The following SEPTIN7 variants were observed in gnomAD, a reference collection of about 807,000 sequenced individuals.
SEPTIN7 encodes septin-7.
In SEPTIN7, 10 loss-of-function variants were observed where a neutral mutation model predicts 63.3. That is an observed-to-expected ratio of 0.16 (90% CI 0.10 to 0.27). The LOEUF is 0.27. SEPTIN7 is among the 10% of genes least tolerant of loss of function. SEPTIN7 has a pLI of 1.00. For missense variants in SEPTIN7, 310 were observed against 521.0 expected (o/e 0.59, Z 3.94); for synonymous variants, 131 against 165.3 (o/e 0.79, Z 1.59).
In SEPTIN7 at chr7:35,883,993, A is replaced by T. The variant is rs758287902; in HGVS notation, c.820+6A>T. 9 of 1,569,984 alleles carry T rather than the reference A, an allele frequency of 5.7e-6. No homozygotes were observed. In the African/African-American group the frequency reaches 1.1e-4, roughly 19 times the overall value. ...TCCTTGGGGTGTTGCTGAAGGTAAG[A>T]TTTTCTTCAGTGAATGACTTTCTAA... On this transcript the variant is annotated splice_donor_region_variant and intron_variant, in intron 9 of 13. Transcript: ENST00000350320.
chr7:35,885,655 T>G (rs749895150), intron 9 of SEPTIN7, among the ~76,000 whole-genome samples, 173 bp from the exon 10 acceptor site: 25 of 152,206 alleles, frequency 1.6e-4, no homozygotes, highest in Non-Finnish European at 3.2e-4. Flanking sequence ...TAGAGTACAC[T>G]TCTCTGTCAT....
chr7:35,854,645 T>A (rs1481606472), intron 3 of SEPTIN7, among the ~76,000 whole-genome samples: 1 of 152,226 alleles, frequency 6.6e-6, no homozygotes, highest in East Asian at 1.9e-4. Flanking sequence ...CTCTGTAGTC[T>A]CTTACTGGAC....
intron 11 of SEPTIN7, among the ~76,000 whole-genome samples, chr7:35,895,324 A>C (rs183823421): frequency 2.6e-5 from 4 of 152,290 alleles, no homozygotes; most frequent in Non-Finnish European, 5.9e-5. Context: ...TTAATATAAA[A>C]ATTAAAAATT....
At chr7:35,816,667 C>G (rs893549025) in intron 1 of SEPTIN7, among the ~76,000 whole-genome samples, 2 of 152,174 alleles carry the variant, frequency 1.3e-5, no homozygotes, top group Non-Finnish European at 2.9e-5. Flanking sequence ...ACTGCCGAAG[C>G]AGCTGCCTTA....
At chr7:35,840,856 T>G (rs1323199466) in intron 3 of SEPTIN7, among the ~76,000 whole-genome samples, 1 of 152,206 alleles carries the variant, frequency 6.6e-6, no homozygotes, top group Non-Finnish European at 1.5e-5. Context: ...TATGGAAGTT[T>G]AGAGAAAGGA....
chr7:35,813,112 TA>T (rs1788833624), intron 1 of SEPTIN7, among the ~76,000 whole-genome samples: 1 of 152,188 alleles, frequency 6.6e-6, no homozygotes, highest in South Asian at 2.1e-4. Flanking sequence ...CCCTTTATGT[TA>T]ATTGTTTTGT....
intron 3 of SEPTIN7, among the ~76,000 whole-genome samples, chr7:35,844,141 T>C (rs1357856277): frequency 6.6e-6 from 1 of 152,172 alleles, no homozygotes; most frequent in African/African-American, 2.4e-5. Flanking sequence ...GCGGATGACA[T>C]GAAAATGAAA....
the SEPTIN7 span, among the ~76,000 whole-genome samples, chr7:35,913,058 T>C: frequency 6.6e-6 from 1 of 152,332 alleles, no homozygotes; most frequent in African/African-American, 2.4e-5. Flanking sequence ...TTCTCTGGCC[T>C]TGGGTCCTTC....
At chr7:35,896,158 C>G (rs1453245582) in intron 11 of SEPTIN7, among the ~76,000 whole-genome samples, 2 of 152,104 alleles carry the variant, frequency 1.3e-5, no homozygotes. Context: ...CTCTTATTTT[C>G]CCCCCTAGAG....
intron 4 of SEPTIN7, among the ~76,000 whole-genome samples, chr7:35,871,453 G>A (rs1202001035): frequency 6.6e-6 from 1 of 152,214 alleles, no homozygotes; most frequent in African/African-American, 2.4e-5. Context: ...CAAGGACTAA[G>A]TAGCCACATG....
chr7:35,911,681 G>A (rs1442533294), downstream of SEPTIN7, among the ~76,000 whole-genome samples: 1 of 152,210 alleles, frequency 6.6e-6, no homozygotes, highest in Admixed American at 6.5e-5. Context: ...AACCGTGGCA[G>A]TATAGTGACA....
At chr7:35,857,750 A>G (rs150482644) in intron 3 of SEPTIN7, among the ~76,000 whole-genome samples, 19 of 152,326 alleles carry the variant, frequency 1.2e-4, no homozygotes, top group Admixed American at 3.9e-4. Context: ...GGTATTTGCT[A>G]ATTTTTAAAG....
chr7:35,857,811 T>G (rs1430678767), intron 3 of SEPTIN7, among the ~76,000 whole-genome samples: 1 of 152,110 alleles, frequency 6.6e-6, no homozygotes, highest in Non-Finnish European at 1.5e-5. Context: ...GATAGTAGTA[T>G]GAGGTGTACA....
Position 35,906,816 on chromosome 7 carries a change from T to G in SEPTIN7, c.*2523T>G, listed in dbSNP as rs1788627202. 1 of 152,194 alleles carries G rather than the reference T, an allele frequency of 6.6e-6. No individual in the cohort carries two copies. Among genetic ancestry groups the G allele is most frequent in the African/African-American group, 2.4e-5 (1 of 41,444 alleles). The allele number at this position is 152,194 out of a possible 1,614,324, so 9.4% of individuals were successfully genotyped here. On this transcript the variant is annotated 3_prime_UTR_variant, in exon 14 of 14. Coordinates refer to ENST00000350320, the MANE Select transcript of SEPTIN7 (RefSeq NM_001788.6). ...TTCTGACCCACCGCATCTTAATATGTTTTGTCCTCTTGGAGAAACTAGGAG... is the reference window on the plus strand; with the variant it reads ...TTCTGACCCACCGCATCTTAATATGGTTTGTCCTCTTGGAGAAACTAGGAG...
chr7:35,909,261 C>A (rs1404349278), downstream of SEPTIN7, among the ~76,000 whole-genome samples: 4 of 152,194 alleles, frequency 2.6e-5, no homozygotes, highest in Non-Finnish European at 5.9e-5. Flanking sequence ...CAAATGAAAT[C>A]TTCCTTAGAC....
chr7:35,828,844 T>C (rs1783656276), intron 1 of SEPTIN7, among the ~76,000 whole-genome samples: 1 of 152,160 alleles, frequency 6.6e-6, no homozygotes, highest in Admixed American at 6.5e-5. Flanking sequence ...CACTGAAGCC[T>C]CAACCTCCTG....
At chr7:35,902,147 T>C (rs1226313858) in intron 12 of SEPTIN7, 1 of 151,566 alleles carries the variant, frequency 6.6e-6, no homozygotes, top group Non-Finnish European at 1.5e-5. Context: ...CCTGGATAAC[T>C]GAAGGTTTTG....
chr7:35,814,864 A>G (rs1050839086), intron 1 of SEPTIN7, among the ~76,000 whole-genome samples: 1 of 151,638 alleles, frequency 6.6e-6, no homozygotes, highest in African/African-American at 2.4e-5. Context: ...AGTCCCAGCT[A>G]CTCGGGAGGC....
chr7:35,852,809 C>A (rs1190155112), intron 3 of SEPTIN7, among the ~76,000 whole-genome samples: 3 of 152,054 alleles, frequency 2.0e-5, no homozygotes, highest in African/African-American at 7.2e-5. Flanking sequence ...TGAGTCAATA[C>A]AATAACCTAC....
Sources: gnomAD v4.1 joint callset for allele counts (sites outside exome capture counted in the v4.1 genomes callset) on GRCh38, gnomAD v4.1.1 for gene constraint, MANE v1.5 for transcripts, NCBI Gene and HGNC (gene_info 2026-07-23, HGNC 2026-07-21) for gene names.